The following PTPRK variants were observed in gnomAD, a reference collection of about 807,000 sequenced individuals.
PTPRK encodes the protein receptor-type tyrosine-protein phosphatase kappa.
PTPRK carries 75 observed loss-of-function variants against 178.0 expected under a neutral mutation model. The observed-to-expected ratio is 0.42, with a 90% CI of 0.35 to 0.51. PTPRK has a LOEUF of 0.51. Ranked by LOEUF, PTPRK falls within the 20% of genes least tolerant of loss-of-function variation. The pLI, the probability that PTPRK is intolerant of heterozygous loss-of-function variation, is 0.02. For missense variants in PTPRK, 1,441 were observed against 1,797.8 expected, an observed-to-expected ratio of 0.80 and a Z score of 3.59; for synonymous variants, 637 against 620.6, an observed-to-expected ratio of 1.03 and a Z score of -0.39.
At chr6:128,242,625 A>G (rs757653641) in intron 3 of PTPRK, 23 bp from the exon 4 acceptor site, 5 of 1,608,310 alleles carry the variant, frequency 3.1e-6, no homozygotes, top group Non-Finnish European at 4.2e-6. Context: ...AACAGAAAAT[A>G]TTTACAACAA....
chr6:128,028,119 T>C (rs1454724307), intron 13 of PTPRK, among the ~76,000 whole-genome samples: 1 of 152,218 alleles, frequency 6.6e-6, no homozygotes, highest in Non-Finnish European at 1.5e-5. Flanking sequence ...ATATAAATTA[T>C]ACTGCACACA....
At chr6:128,153,463 C>T (rs1167935270) in intron 7 of PTPRK, among the ~76,000 whole-genome samples, 1 of 151,934 alleles carries the variant, frequency 6.6e-6, no homozygotes. Context: ...AGGCATATTA[C>T]ATATATGCTA....
rs868809079 is a variant in PTPRK at position 128,241,897 on chromosome 6, T to A, written c.577+624A>T. Among the ~76,000 whole-genome samples the A allele has an allele frequency of 3.3e-5, 5 of 149,652 alleles. No homozygotes were observed. In the South Asian group the frequency reaches 8.6e-4, roughly 26 times the overall value. Reference sequence around the variant, plus strand: ...CCCAGGTTCAAGTGATTGTCCTGCCTCAGCCTCCTGAGTAGCTGGGATTAC... The same window carrying A: ...CCCAGGTTCAAGTGATTGTCCTGCCACAGCCTCCTGAGTAGCTGGGATTAC... On this transcript the variant is annotated intron_variant, in intron 4 of 29. Coordinates refer to ENST00000368226, the MANE Select transcript of PTPRK (RefSeq NM_002844.4).
intron 3 of PTPRK, among the ~76,000 whole-genome samples, chr6:128,298,108 A>G (rs953218182): frequency 1.9e-4 from 29 of 152,134 alleles, no homozygotes; most frequent in African/African-American, 7.0e-4. Flanking sequence ...AACACCTCTA[A>G]GCAAATAAAC....
chr6:128,022,546 T>C (rs542902202), intron 13 of PTPRK, among the ~76,000 whole-genome samples: 13 of 152,306 alleles, frequency 8.5e-5, no homozygotes, highest in African/African-American at 2.2e-4. Flanking sequence ...CCAGTTTCTA[T>C]GCACCTCACT....
intron 2 of PTPRK, among the ~76,000 whole-genome samples, chr6:128,363,932 CAGTT>C (rs950488811): frequency 2.6e-5 from 4 of 152,208 alleles, no homozygotes; most frequent in African/African-American, 9.6e-5. Flanking sequence ...CGTACATTCA[CAGTT>C]AGTTAGTTAC....
At chr6:128,031,236 A>C (rs1176417573) in intron 13 of PTPRK, among the ~76,000 whole-genome samples, 1 of 152,204 alleles carries the variant, frequency 6.6e-6, no homozygotes, top group Non-Finnish European at 1.5e-5. Flanking sequence ...TAGTTTGGGC[A>C]ACCTAGATTT....
chr6:128,040,347 T>C (rs1371362784), intron 13 of PTPRK, among the ~76,000 whole-genome samples: 2 of 152,058 alleles, frequency 1.3e-5, no homozygotes, highest in Non-Finnish European at 1.5e-5. Flanking sequence ...TCAGGGTGAA[T>C]AGAGGAAAGA....
intron 6 of PTPRK, among the ~76,000 whole-genome samples, chr6:128,217,351 T>C (rs1253875432): frequency 3.3e-5 from 5 of 152,182 alleles, no homozygotes; most frequent in Admixed American, 2.0e-4. Context: ...TATAAAGTTT[T>C]TTTAAAAAAT....
At chr6:128,169,634 T>C (rs1799924161) in intron 7 of PTPRK, among the ~76,000 whole-genome samples, 1 of 152,080 alleles carries the variant, frequency 6.6e-6, no homozygotes, top group Non-Finnish European at 1.5e-5. Context: ...TTTAACATTG[T>C]ATTATGTTCA....
chr6:128,457,029 A>G (rs1848484835), intron 1 of PTPRK, among the ~76,000 whole-genome samples: 1 of 152,128 alleles, frequency 6.6e-6, no homozygotes, highest in South Asian at 2.1e-4. Context: ...GGATCCTGAC[A>G]TCAATTTGTT....
intron 2 of PTPRK, among the ~76,000 whole-genome samples, chr6:128,366,540 A>G (rs938804914): frequency 2.0e-5 from 3 of 152,144 alleles, no homozygotes; most frequent in Admixed American, 2.0e-4. Flanking sequence ...CAGACATGCA[A>G]AAGACTACTA....
At chr6:127,977,531 T>C (rs1301017096) in intron 25 of PTPRK, among the ~76,000 whole-genome samples, 1 of 152,174 alleles carries the variant, frequency 6.6e-6, no homozygotes, top group Non-Finnish European at 1.5e-5. Context: ...ATTGTTTTAC[T>C]CTTCTCCACT....
At chr6:128,228,638 T>G in intron 5 of PTPRK, among the ~76,000 whole-genome samples, 1 of 140,932 alleles carries the variant, frequency 7.1e-6, no homozygotes, top group South Asian at 2.3e-4. Context: ...CCAGCTGGGG[T>G]GACAGAGTGA....
intron 1 of PTPRK, among the ~76,000 whole-genome samples, chr6:128,419,008 T>C (rs1293179329): frequency 6.6e-6 from 1 of 152,212 alleles, no homozygotes; most frequent in Non-Finnish European, 1.5e-5. Context: ...TTTCTGAAAA[T>C]TCTTATCAGG....
chr6:128,463,992 C>T (rs886772440), intron 1 of PTPRK, among the ~76,000 whole-genome samples: 3 of 151,770 alleles, frequency 2.0e-5, no homozygotes, highest in South Asian at 2.1e-4. Context: ...CGACCTCAGG[C>T]GATCTGCCTG....
intron 27 of PTPRK, 51 bp downstream of exon 27, chr6:127,976,606 G>T (rs200522616): frequency 8.9e-4 from 1,432 of 1,603,108 alleles, no homozygotes; most frequent in Non-Finnish European, 1.0e-3. Context: ...CCACATCTTG[G>T]TTATGACTGA....
chr6:128,344,380 T>G (rs1303850057), intron 2 of PTPRK, among the ~76,000 whole-genome samples: 1 of 152,202 alleles, frequency 6.6e-6, no homozygotes, highest in East Asian at 1.9e-4. Context: ...TTATGCTGAA[T>G]TCGCTAACAA....
chr6:128,116,921 T>C (rs6904354), intron 7 of PTPRK, among the ~76,000 whole-genome samples: 14,180 of 152,020 alleles, frequency 0.093, 1,142 homozygotes, highest in African/African-American at 0.21. Context: ...CCGAGGCGTG[T>C]GGATCACGAG....
Sources: gnomAD v4.1 joint callset for allele counts (sites outside exome capture counted in the v4.1 genomes callset) on GRCh38, gnomAD v4.1.1 for gene constraint, MANE v1.5 for transcripts, NCBI Gene and HGNC (gene_info 2026-07-23, HGNC 2026-07-21) for gene names.